The following PRIM2 variants were observed in gnomAD, a reference collection of about 807,000 sequenced individuals.
PRIM2 encodes the protein DNA primase subunit 2, also known as DNA primase large subunit.
In PRIM2, 39 loss-of-function variants were observed where a neutral mutation model predicts 67.3. That is an observed-to-expected ratio of 0.58 (90% CI 0.45 to 0.76). The LOEUF is 0.76. Among genes scored for constraint, PRIM2 ranks in the 30% least tolerant of loss-of-function variants. PRIM2 has a pLI of 0.00. For synonymous variants in PRIM2, 143 were observed against 198.7 expected, an observed-to-expected ratio of 0.72 and a Z score of 2.36; for missense variants, 398 against 598.7, an observed-to-expected ratio of 0.66 and a Z score of 3.50.
chr6:57,473,941 A>C (rs1773400995), intron 7 of PRIM2, among the ~76,000 whole-genome samples: 1 of 151,950 alleles, frequency 6.6e-6, no homozygotes, highest in Admixed American at 6.6e-5. Context: ...TCGACTTAGA[A>C]AAGTTTTGAA....
At chr6:57,461,725 T>G (rs1324671604) in intron 7 of PRIM2, among the ~76,000 whole-genome samples, 1 of 152,254 alleles carries the variant, frequency 6.6e-6, no homozygotes, top group African/African-American at 2.4e-5. Context: ...GCTGGTGTAC[T>G]TCAAATACTT....
the PRIM2 span, among the ~76,000 whole-genome samples, chr6:57,300,608 ATTAG>A: frequency 1.3e-5 from 2 of 152,154 alleles, no homozygotes; most frequent in African/African-American, 4.8e-5. Flanking sequence ...TGGCTTCTTT[ATTAG>A]TTGACTCAAA....
At chr6:57,251,577 T>C in the PRIM2 span, among the ~76,000 whole-genome samples, 5 of 152,178 alleles carry the variant, frequency 3.3e-5, no homozygotes, top group African/African-American at 1.2e-4. Context: ...TTCTATTAAC[T>C]GACATGGGGG....
intron 7 of PRIM2, among the ~76,000 whole-genome samples, chr6:57,408,510 G>A (rs1300773080): frequency 6.6e-6 from 1 of 152,148 alleles, no homozygotes; most frequent in African/African-American, 2.4e-5. Context: ...TGACAAATCA[G>A]AAGATTTTAT....
At chr6:57,232,665 G>A in the PRIM2 span, among the ~76,000 whole-genome samples, 1 of 152,150 alleles carries the variant, frequency 6.6e-6, no homozygotes, top group African/African-American at 2.4e-5. Flanking sequence ...ACCTGTAATA[G>A]GATATATAGC....
At chr6:57,437,662 C>A (rs77401118) in intron 7 of PRIM2, among the ~76,000 whole-genome samples, 1 of 128,366 alleles carries the variant, frequency 7.8e-6, no homozygotes. Flanking sequence ...GGAAGGATTC[C>A]TTTTTTTTTT....
intron 10 of PRIM2, among the ~76,000 whole-genome samples, chr6:57,555,140 T>C (rs1775485949): frequency 6.6e-6 from 1 of 152,226 alleles, no homozygotes; most frequent in Admixed American, 6.5e-5. Flanking sequence ...ACATTTTAAG[T>C]GGCTTTTTGA....
the PRIM2 span, among the ~76,000 whole-genome samples, chr6:57,236,584 G>A: frequency 1.3e-5 from 2 of 151,332 alleles, no homozygotes; most frequent in African/African-American, 2.4e-5. Flanking sequence ...CCCCACAACA[G>A]GCCCTGGTGT....
rs1478482487 is a variant in PRIM2 at position 57,557,228 on chromosome 6, G to A, written c.1020+19603G>A. Reference sequence around the variant, plus strand: ...AAGCAGTATGGCAATTCCTCAAAGAGCTAAATACAGAACTACCATTCGACC... The same window carrying A: ...AAGCAGTATGGCAATTCCTCAAAGAACTAAATACAGAACTACCATTCGACC... On this transcript the variant is annotated intron_variant, in intron 10 of 13. Coordinates refer to ENST00000615550, the MANE Select transcript of PRIM2 (RefSeq NM_000947.5). 8.0e-3 allele frequency among the ~76,000 whole-genome samples: 1,103 copies of A among 138,098 alleles called. 15 individuals carry two copies. Among genetic ancestry groups the A allele is most frequent in the African/African-American group, 0.029 (1,057 of 36,094 alleles). 90.6% of individuals were successfully genotyped at this position (138,098 alleles called of 152,430 possible).
intron 7 of PRIM2, among the ~76,000 whole-genome samples, chr6:57,406,402 T>G (rs1262902223): frequency 1.3e-5 from 2 of 152,180 alleles, no homozygotes; most frequent in Non-Finnish European, 2.9e-5. Flanking sequence ...GAGTACAGAA[T>G]CCATCTTCTG....
In PRIM2 at chr6:57,640,743, G is replaced by A. The variant is rs1275600166; in HGVS notation, c.1300-5185G>A. ...GAAATAAGAGAAGACACAAACAAATGGGAAAACATTCCATGCTCATGGATA... is the reference window on the plus strand; with the variant it reads ...GAAATAAGAGAAGACACAAACAAATAGGAAAACATTCCATGCTCATGGATA... On this transcript the variant is annotated intron_variant, in intron 13 of 13. Transcript: ENST00000615550. Among the ~76,000 whole-genome samples the A allele has an allele frequency of 5.9e-5, 9 of 152,204 alleles. No homozygotes were observed. In the South Asian group the frequency reaches 1.5e-3, roughly 25 times the overall value.
intron 7 of PRIM2, among the ~76,000 whole-genome samples, chr6:57,474,138 G>GTGTT (rs1260956044): frequency 8.1e-6 from 1 of 123,154 alleles, no homozygotes; most frequent in African/African-American, 2.9e-5. Flanking sequence ...AAAAATGTTT[G>GTGTT]TGTTTGCTAT....
At chr6:57,343,659 T>G (rs1768573555) in intron 5 of PRIM2, among the ~76,000 whole-genome samples, 1 of 151,996 alleles carries the variant, frequency 6.6e-6, no homozygotes, top group African/African-American at 2.4e-5. Flanking sequence ...AAGAGTGAAG[T>G]GGGATGGTAA....
At chr6:57,449,017 G>C (rs1302747860) in intron 7 of PRIM2, among the ~76,000 whole-genome samples, 1 of 152,128 alleles carries the variant, frequency 6.6e-6, no homozygotes, top group South Asian at 2.1e-4. Flanking sequence ...CTTGGCCAAG[G>C]GGGAGTCTAT....
At chr6:57,330,168 C>G (rs1479616674) in intron 5 of PRIM2, among the ~76,000 whole-genome samples, 5 of 150,988 alleles carry the variant, frequency 3.3e-5, no homozygotes, top group Non-Finnish European at 7.4e-5. Flanking sequence ...TTTAGATCTT[C>G]TTTAATTTTT....
intron 5 of PRIM2, among the ~76,000 whole-genome samples, chr6:57,357,908 AC>A (rs1769087845): frequency 6.6e-6 from 1 of 151,944 alleles, no homozygotes; most frequent in Non-Finnish European, 1.5e-5. Flanking sequence ...CTGTCAGAGC[AC>A]TTGTACTTGA....
intron 5 of PRIM2, among the ~76,000 whole-genome samples, chr6:57,334,837 A>G (rs984881506): frequency 1.3e-5 from 2 of 152,204 alleles, no homozygotes; most frequent in African/African-American, 4.8e-5. Context: ...TTAGATTGAT[A>G]TGTTTTTACT....
intron 12 of PRIM2, among the ~76,000 whole-genome samples, chr6:57,621,316 C>T (rs1307615937): frequency 6.6e-6 from 1 of 152,024 alleles, no homozygotes; most frequent in African/African-American, 2.4e-5. Context: ...TTTATAAGGG[C>T]CTTAGTTCTA....
the PRIM2 span, among the ~76,000 whole-genome samples, chr6:57,289,153 C>G: frequency 6.6e-6 from 1 of 152,020 alleles, no homozygotes; most frequent in African/African-American, 2.4e-5. Flanking sequence ...AACTTTGTGA[C>G]GCATGCACAA....
Sources: allele counts gnomAD v4.1 joint callset (sites outside exome capture counted in the v4.1 genomes callset), GRCh38; gene constraint gnomAD v4.1.1; transcripts MANE v1.5; gene names NCBI Gene and HGNC (gene_info 2026-07-23, HGNC 2026-07-21).